CDH13: variants seen among roughly 807,000 people sequenced by gnomAD.
CDH13 encodes cadherin-13.
Under a neutral mutation model 63.8 loss-of-function variants are expected in CDH13, and 24 were observed. That is an observed-to-expected ratio of 0.38 (90% CI 0.27 to 0.53). The LOEUF (loss-of-function observed/expected upper bound fraction) is 0.53, where lower values mean the gene tolerates loss of function less well. Among genes scored for constraint, CDH13 ranks in the 20% least tolerant of loss-of-function variants. The pLI, the probability that CDH13 is intolerant of heterozygous loss-of-function variation, is 0.85. For synonymous variants in CDH13, 503 were observed against 355.3 expected (o/e 1.42, Z -4.67); for missense variants, 1,049 against 903.1 (o/e 1.16, Z -2.07).
intron 8 of CDH13, among the ~76,000 whole-genome samples, chr16:83,656,529 C>T (rs911437100): frequency 2.0e-5 from 3 of 152,094 alleles, no homozygotes; most frequent in Non-Finnish European, 2.9e-5. Context: ...CATCCAGGTG[C>T]TGACTGATGA....
At chr16:83,532,298 T>C (rs1357801955) in intron 7 of CDH13, among the ~76,000 whole-genome samples, 1 of 152,102 alleles carries the variant, frequency 6.6e-6, no homozygotes, top group Non-Finnish European at 1.5e-5. Flanking sequence ...TCCTCAAAGG[T>C]GACTTCTGTC....
intron 5 of CDH13, among the ~76,000 whole-genome samples, chr16:83,257,124 T>C (rs1906391110): frequency 6.6e-6 from 1 of 151,808 alleles, no homozygotes; most frequent in South Asian, 2.1e-4. Flanking sequence ...CCTTCCTGAG[T>C]TGGGGGATGG....
chr16:82,856,490 T>G (rs915660138), intron 1 of CDH13, among the ~76,000 whole-genome samples: 4 of 150,494 alleles, frequency 2.7e-5, no homozygotes, highest in Non-Finnish European at 4.4e-5. Flanking sequence ...TCACTTAAGC[T>G]CAGGAGTTTG....
At chr16:83,648,243 T>G (rs897645556) in intron 8 of CDH13, among the ~76,000 whole-genome samples, 1 of 152,130 alleles carries the variant, frequency 6.6e-6, no homozygotes, top group Admixed American at 6.5e-5. Context: ...CAGAGTCACA[T>G]GTGTATTTTA....
chr16:83,382,070 C>T (rs2091578126), intron 6 of CDH13, among the ~76,000 whole-genome samples: 1 of 152,300 alleles, frequency 6.6e-6, no homozygotes, highest in East Asian at 1.9e-4. Context: ...GCTTCCACCC[C>T]AACTCTACCA....
At chr16:83,087,625 G>A (rs2033671086) in intron 3 of CDH13, among the ~76,000 whole-genome samples, 1 of 121,962 alleles carries the variant, frequency 8.2e-6, no homozygotes, top group Non-Finnish European at 1.6e-5. Context: ...CCAAAACCGT[G>A]TCATTGCACT....
chr16:83,722,273 G>A (rs1179545514), intron 10 of CDH13, among the ~76,000 whole-genome samples: 1 of 152,214 alleles, frequency 6.6e-6, no homozygotes, highest in Non-Finnish European at 1.5e-5. Flanking sequence ...AACAATGATA[G>A]TTAAGATTAT....
chr16:83,243,010 T>C (rs759043910), intron 5 of CDH13, among the ~76,000 whole-genome samples: 2 of 152,216 alleles, frequency 1.3e-5, no homozygotes, highest in Non-Finnish European at 2.9e-5. Context: ...TTCATTTGAA[T>C]GTTGAGGAAA....
Position 83,112,991 on chromosome 16 carries a change from G to T in CDH13, c.367-12394G>T, listed in dbSNP as rs2035133303. ...GTACACATGATTCTAGGAACTGGTG[G>T]TGTTTGGATGGCAGAAGTTACAAGG... On this transcript the variant is annotated intron_variant, in intron 3 of 13. Coordinates refer to ENST00000567109, the MANE Select transcript of CDH13 (RefSeq NM_001257.5). Among the ~76,000 whole-genome samples the T allele has an allele frequency of 2.0e-5, 3 of 152,184 alleles. No individual in the cohort carries two copies. In the South Asian group the frequency reaches 6.2e-4, roughly 31 times the overall value.
At chr16:83,458,459 A>G (rs1289319107) in intron 6 of CDH13, among the ~76,000 whole-genome samples, 1 of 152,136 alleles carries the variant, frequency 6.6e-6, no homozygotes, top group East Asian at 1.9e-4. Flanking sequence ...AAATATAACT[A>G]CATATCTACA....
chr16:83,553,843 C>T (rs1339214921), intron 7 of CDH13, among the ~76,000 whole-genome samples: 1 of 152,240 alleles, frequency 6.6e-6, no homozygotes, highest in African/African-American at 2.4e-5. Flanking sequence ...AGGCGTGAGC[C>T]ACCACACCCA....
At position 83,461,146 on chromosome 16, in the gene CDH13, G is replaced by T. The variant is rs112206484; in HGVS notation, c.782-25331G>T. 5.5e-3 allele frequency among the ~76,000 whole-genome samples: 843 copies of T among 152,142 alleles called. 7 individuals are homozygous for T. The highest frequency in any genetic ancestry group is 0.019 in the African/African-American group (792 of 41,506). On this transcript the variant is annotated intron_variant, in intron 6 of 13. Coordinates refer to ENST00000567109, the MANE Select transcript of CDH13 (RefSeq NM_001257.5). ...TTCTTAAGCTGGGTGGTGGATACAA[G>T]TGTTGACTGTACTATTTATTATACC...
In CDH13 at chr16:82,676,780, A is replaced by G. The variant is rs74028543; in HGVS notation, c.45+49643A>G. On this transcript the variant is annotated intron_variant, in intron 1 of 13. Coordinates refer to ENST00000567109, the MANE Select transcript of CDH13 (RefSeq NM_001257.5). Reference sequence around the variant, plus strand: ...CCATTCTCCTTTCATGCCACTCTACACTTTCAACTCCAGCCACCCCAGTCC... The same window carrying G: ...CCATTCTCCTTTCATGCCACTCTACGCTTTCAACTCCAGCCACCCCAGTCC... 5.1e-3 allele frequency among the ~76,000 whole-genome samples: 772 copies of G among 152,112 alleles called. 6 individuals carry two copies. The highest frequency in any genetic ancestry group is 0.018 in the African/African-American group (742 of 41,502).
chr16:83,305,022 A>T (rs1482648954), intron 5 of CDH13, among the ~76,000 whole-genome samples: 1 of 152,172 alleles, frequency 6.6e-6, no homozygotes, highest in Non-Finnish European at 1.5e-5. Flanking sequence ...CGCATTCCCC[A>T]CAGACCGGGA....
chr16:82,865,998 C>A (rs749445181), intron 2 of CDH13, among the ~76,000 whole-genome samples: 9 of 152,168 alleles, frequency 5.9e-5, no homozygotes, highest in Non-Finnish European at 1.0e-4. Flanking sequence ...TACCCTAAAT[C>A]ACCTCTCTCA....
At chr16:83,575,596 T>C (rs1905035561) in intron 7 of CDH13, among the ~76,000 whole-genome samples, 1 of 152,184 alleles carries the variant, frequency 6.6e-6, no homozygotes, top group Non-Finnish European at 1.5e-5. Context: ...TTGCACATGC[T>C]ATTCATGACC....
In CDH13 at chr16:83,014,743, A is replaced by T. The variant is rs867834229; in HGVS notation, c.158-17267A>T. ...GAGACTCCATCTAAAAAAAAAAAAAAATATATATATATATATATATATATA... is the reference window on the plus strand; with the variant it reads ...GAGACTCCATCTAAAAAAAAAAAAATATATATATATATATATATATATATA... On this transcript the variant is annotated intron_variant, in intron 2 of 13. Transcript: ENST00000567109. 3.6e-3 allele frequency among the ~76,000 whole-genome samples: 118 copies of T among 33,198 alleles called. 2 individuals are homozygous for T. The highest frequency in any genetic ancestry group is 7.8e-3 in the Admixed American group (18 of 2,314). The allele number at this position is 33,198 out of a possible 152,430, so 21.8% of individuals were successfully genotyped here.
At chr16:83,363,932 A>C (rs550180722) in intron 6 of CDH13, among the ~76,000 whole-genome samples, 75 of 152,306 alleles carry the variant, frequency 4.9e-4, no homozygotes, top group African/African-American at 1.8e-3. Context: ...AAGCACCTAC[A>C]GTGGACAGAG....
chr16:83,171,127 G>C (rs1315717913), intron 4 of CDH13, among the ~76,000 whole-genome samples: 2 of 152,082 alleles, frequency 1.3e-5, no homozygotes, highest in Admixed American at 1.3e-4. Context: ...AAGCATGGTG[G>C]CTTCTGCCTC....
Sources: gnomAD v4.1 joint callset for allele counts (sites outside exome capture counted in the v4.1 genomes callset) on GRCh38, gnomAD v4.1.1 for gene constraint, MANE v1.5 for transcripts, NCBI Gene and HGNC (gene_info 2026-07-23, HGNC 2026-07-21) for gene names.